Variants in RIMS2 observed in about 807,000 individuals in gnomAD.
RIMS2 encodes the protein regulating synaptic membrane exocytosis protein 2.
In RIMS2, 59 loss-of-function variants were observed where a neutral mutation model predicts 174.4. That is an observed-to-expected ratio of 0.34 (90% confidence interval 0.27 to 0.42). RIMS2 has a LOEUF of 0.42. Among genes scored for constraint, RIMS2 ranks in the 10% least tolerant of loss-of-function variants. The probability of loss-of-function intolerance (pLI) is 1.00; values close to 1 mark genes in which losing one functional copy is unlikely to be tolerated. For synonymous variants in RIMS2, 606 were observed against 572.5 expected, an observed-to-expected ratio of 1.06 and a Z score of -0.84; for missense variants, 1,620 against 1,666.3, an observed-to-expected ratio of 0.97 and a Z score of 0.48.
chr8:104,032,762 T>A (rs1391335088), intron 19 of RIMS2, among the ~76,000 whole-genome samples: 2 of 152,042 alleles, frequency 1.3e-5, no homozygotes, highest in Non-Finnish European at 2.9e-5. Context: ...ACTCATTATT[T>A]CATGTTACAG....
intron 10 of RIMS2, chr8:103,922,629 G>A: frequency 1.8e-5 from 7 of 396,294 alleles, no homozygotes; most frequent in South Asian, 1.3e-4. Flanking sequence ...CTTGAATTTT[G>A]GATTAAAAAA....
At chr8:104,120,719 G>T (rs1453640930) in intron 19 of RIMS2, among the ~76,000 whole-genome samples, 1 of 151,996 alleles carries the variant, frequency 6.6e-6, no homozygotes, top group African/African-American at 2.4e-5. Context: ...GCAACTTAGA[G>T]TATTATAAAT....
intron 19 of RIMS2, among the ~76,000 whole-genome samples, chr8:104,101,567 C>CACACACACATATATAT (rs2097902895): frequency 6.6e-6 from 1 of 152,162 alleles, no homozygotes; most frequent in African/African-American, 2.4e-5. Flanking sequence ...TAGATACACA[C>CACACACACATATATAT]ACACACACAT....
At chr8:103,870,663 A>G (rs1007691237) in intron 3 of RIMS2, among the ~76,000 whole-genome samples, 4 of 152,056 alleles carry the variant, frequency 2.6e-5, no homozygotes, top group Non-Finnish European at 5.9e-5. Context: ...TCAAGAAAAA[A>G]AAAACATAGT....
At chr8:103,965,484 C>A (rs966247890) in intron 15 of RIMS2, among the ~76,000 whole-genome samples, 1 of 152,084 alleles carries the variant, frequency 6.6e-6, no homozygotes, top group African/African-American at 2.4e-5. Context: ...GGAATATTAA[C>A]CTTATATCCT....
chr8:104,054,602 T>A (rs2154559288), intron 19 of RIMS2, among the ~76,000 whole-genome samples: 1 of 152,288 alleles, frequency 6.6e-6, no homozygotes, highest in Admixed American at 6.5e-5. Context: ...GATTTTATCT[T>A]AATTCATAAC....
At chr8:103,717,095 C>G (rs970486371) in intron 2 of RIMS2, among the ~76,000 whole-genome samples, 1 of 147,170 alleles carries the variant, frequency 6.8e-6, no homozygotes, top group Non-Finnish European at 1.5e-5. Flanking sequence ...GCATAAAACT[C>G]AAAGAGAATA....
intron 1 of RIMS2, among the ~76,000 whole-genome samples, chr8:103,621,795 G>T (rs763648004): frequency 6.6e-6 from 1 of 152,304 alleles, no homozygotes; most frequent in Admixed American, 6.5e-5. Flanking sequence ...GGATGTAGGA[G>T]AAATGGTTGT....
chr8:104,011,721 A>G (rs1222600117), intron 17 of RIMS2, among the ~76,000 whole-genome samples: 2 of 152,104 alleles, frequency 1.3e-5, no homozygotes, highest in Admixed American at 6.6e-5. Flanking sequence ...ACTTTCTGCT[A>G]GGGTAATTGT....
intron 19 of RIMS2, among the ~76,000 whole-genome samples, chr8:104,235,429 A>C (rs2099253184): frequency 6.6e-6 from 1 of 152,128 alleles, no homozygotes; most frequent in African/African-American, 2.4e-5. Context: ...CTTCTTACGA[A>C]AACTAGAGAT....
chr8:104,145,901 T>G (rs2098634584), intron 19 of RIMS2, among the ~76,000 whole-genome samples: 2 of 151,372 alleles, frequency 1.3e-5, no homozygotes, highest in South Asian at 4.2e-4. Context: ...CTTACAACAT[T>G]TTTTGCTTAT....
intron 13 of RIMS2, among the ~76,000 whole-genome samples, chr8:103,937,165 AG>A (rs2081466123): frequency 6.6e-6 from 1 of 152,166 alleles, no homozygotes; most frequent in Non-Finnish European, 1.5e-5. Context: ...ATATCTGCAA[AG>A]GTAGGCACAA....
intron 5 of RIMS2, among the ~76,000 whole-genome samples, chr8:103,911,456 A>T (rs368368509): frequency 6.6e-6 from 1 of 152,166 alleles, no homozygotes; most frequent in East Asian, 1.9e-4. Flanking sequence ...TCACCTGTAG[A>T]TGAAGCCTAT....
chr8:103,575,086 C>T (rs987635119), intron 1 of RIMS2, among the ~76,000 whole-genome samples: 26 of 152,102 alleles, frequency 1.7e-4, no homozygotes, highest in African/African-American at 6.3e-4. Context: ...ATAAAACTCA[C>T]ACAAATCAGT....
chr8:103,782,620 C>T (rs2154434045), intron 3 of RIMS2, among the ~76,000 whole-genome samples: 1 of 152,244 alleles, frequency 6.6e-6, no homozygotes, highest in South Asian at 2.1e-4. Context: ...CTTCTATCAG[C>T]AGGTATTAGG....
chr8:103,610,028 C>G (rs796851316), intron 1 of RIMS2, among the ~76,000 whole-genome samples: 2 of 152,100 alleles, frequency 1.3e-5, no homozygotes, highest in Admixed American at 1.3e-4. Context: ...TTGTAATTCT[C>G]ATTGTAGAGA....
intron 3 of RIMS2, chr8:103,768,329 G>A: frequency 3.0e-6 from 2 of 670,218 alleles, no homozygotes; most frequent in Non-Finnish European, 5.5e-6. Context: ...GAAACTCATT[G>A]AAGTGGATGA....
At chr8:103,653,032 G>A (rs951339984) in intron 1 of RIMS2, among the ~76,000 whole-genome samples, 1 of 152,070 alleles carries the variant, frequency 6.6e-6, no homozygotes, top group African/African-American at 2.4e-5. Flanking sequence ...TGTTCTAGAG[G>A]ACATTAAAAG....
intron 19 of RIMS2, among the ~76,000 whole-genome samples, chr8:104,143,711 TG>T (rs1400986815): frequency 1.3e-5 from 2 of 152,222 alleles, no homozygotes; most frequent in Admixed American, 6.5e-5. Context: ...GTTTCACTCC[TG>T]GAACTATCCC....
Sources: gnomAD v4.1 joint callset for allele counts (sites outside exome capture counted in the v4.1 genomes callset) on GRCh38, gnomAD v4.1.1 for gene constraint, MANE v1.5 for transcripts, NCBI Gene and HGNC (gene_info 2026-07-23, HGNC 2026-07-21) for gene names.